Variants in SLF2 observed in about 807,000 individuals in gnomAD.
SLF2 encodes SMC5/6 complex localization factor 2.
A neutral mutation model predicts 124.3 loss-of-function variants in SLF2; 68 were observed. The observed-to-expected ratio is 0.55, with a 90% CI of 0.45 to 0.67. The LOEUF is 0.67. SLF2 is among the 30% of genes least tolerant of loss of function. The pLI is 0.00. For missense variants in SLF2, 1,246 were observed against 1,373.7 expected, an observed-to-expected ratio of 0.91 and a Z score of 1.47; for synonymous variants, 480 against 478.8, an observed-to-expected ratio of 1.00 and a Z score of -0.03.
chr10:100,947,946 C>T, intron 15 of SLF2, 99 bp downstream of exon 15: 1 of 795,832 alleles, frequency 1.3e-6, no homozygotes, highest in South Asian at 1.6e-5. Flanking sequence ...GGGGTCAGAG[C>T]TCAGCTCTTA....
At chr10:100,956,353 T>A in intron 17 of SLF2, 98 bp from the exon 18 acceptor site, 1 of 859,030 alleles carries the variant, frequency 1.2e-6, no homozygotes, top group Non-Finnish European at 1.8e-6. Context: ...ACAGGAATAA[T>A]AGATTTTTAA....
At chr10:100,951,199 C>T (rs372830490) in intron 17 of SLF2, among the ~76,000 whole-genome samples, 1 of 152,100 alleles carries the variant, frequency 6.6e-6, no homozygotes, top group Non-Finnish European at 1.5e-5. Context: ...GCCGAGATTG[C>T]GCCACTGCAC....
chr10:100,936,578 G>T (rs1025314203), intron 9 of SLF2, among the ~76,000 whole-genome samples: 3 of 151,678 alleles, frequency 2.0e-5, no homozygotes, highest in Non-Finnish European at 4.4e-5. Flanking sequence ...CTCGTGATCC[G>T]CCTGCCTCGG....
At position 100,913,190 on chromosome 10, in the gene SLF2, T is replaced by G; in HGVS notation, c.80T>G (p.Leu27Arg). The G allele has an allele frequency of 6.2e-7, 1 of 1,613,018 alleles. No homozygotes were observed. Among genetic ancestry groups the G allele is most frequent in the Non-Finnish European group, 8.5e-7 (1 of 1,179,590 alleles). The change falls in exon 1 of 20, where the codon CTG (leucine) becomes CGG (arginine). Residue 27 changes from leucine to arginine, a missense_variant. By Grantham distance (102) the Leu-to-Arg change is moderately radical. This residue lies in a region of SLF2 where 698 missense variants were observed against 708.9 expected (regional missense o/e 0.98). Coordinates refer to ENST00000238961, the MANE Select transcript of SLF2 (RefSeq NM_018121.4). ...APGSSPPRCH[L>R]RPGSTAHAAA... is the part of the protein sequence containing the mutation. ...GGGTCGTCGCCCCCGCGCTGCCATC[T>G]GAGACCCGGTAGTACCGCCCATGCT...
chr10:100,943,034 T>C (rs1199800466), intron 11 of SLF2, among the ~76,000 whole-genome samples: 1 of 151,780 alleles, frequency 6.6e-6, no homozygotes, highest in Admixed American at 6.6e-5. Context: ...GCATTAGCCA[T>C]TTTAATCTTT....
intron 6 of SLF2, among the ~76,000 whole-genome samples, chr10:100,927,570 C>T (rs1175994128): frequency 6.6e-6 from 1 of 152,140 alleles, no homozygotes; most frequent in Admixed American, 6.5e-5. Context: ...AATATCTCTT[C>T]AAGTCTCTCC....
chr10:100,948,042 C>T (rs1299759556), intron 15 of SLF2, among the ~76,000 whole-genome samples, 195 bp downstream of exon 15: 2 of 152,132 alleles, frequency 1.3e-5, no homozygotes, highest in African/African-American at 4.8e-5. Context: ...AATATTGCAC[C>T]CTCCACCACT....
chr10:100,917,524 C>A (rs984104822), intron 3 of SLF2, among the ~76,000 whole-genome samples: 1 of 152,036 alleles, frequency 6.6e-6, no homozygotes, highest in Admixed American at 6.5e-5. Context: ...AGACTGGGAA[C>A]AAAGATCTTT....
Position 100,924,708 on chromosome 10 carries a change from T to C in SLF2, c.1707T>C (p.Pro569=). The C allele has an allele frequency of 6.2e-7, 1 of 1,614,156 alleles. No individual in the cohort carries two copies. ...ALEVVPCIPS[P]AAPSDKAPSE... The stretch of plus-strand genomic sequence containing the variant: ...AAGTTGTGCCATGTATCCCAAGCCC[T>C]GCAGCACCTTCAGATAAAGCCCCTT... Residue 569 remains proline, a synonymous_variant, in exon 5 of 20, where the codon CCT becomes CCC. Transcript: ENST00000238961.
In SLF2 at chr10:100,950,650, G is replaced by A. The variant is rs377322580; in HGVS notation, c.3253-26G>A. The A allele has an allele frequency of 1.0e-4, 164 of 1,576,842 alleles. No individual in the cohort carries two copies. In the African/African-American group the frequency reaches 2.0e-3, roughly 19 times the overall value. ...CATCTATGCTAGCTAATTCATAGGT[G>A]TTAATTTTATTCATTTCTCTAACAG... On this transcript the variant is annotated intron_variant, in intron 16 of 19. Coordinates refer to ENST00000238961, the MANE Select transcript of SLF2 (RefSeq NM_018121.4).
intron 11 of SLF2, among the ~76,000 whole-genome samples, chr10:100,939,316 T>G (rs920723759): frequency 1.3e-5 from 2 of 151,792 alleles, no homozygotes; most frequent in Admixed American, 6.6e-5. Flanking sequence ...GGCCGGGAAT[T>G]GGAAGTTGCA....
chr10:100,921,525 A>C (rs148958080), intron 4 of SLF2, among the ~76,000 whole-genome samples: 1 of 152,216 alleles, frequency 6.6e-6, no homozygotes, highest in Admixed American at 6.5e-5. Context: ...ACATTTTGCA[A>C]TTAATCACCT....
Position 100,945,394 on chromosome 10 carries a change from T to C in SLF2, c.2822T>C (p.Ile941Thr). The C allele has an allele frequency of 6.2e-7, 1 of 1,604,018 alleles. No homozygotes were observed. Among genetic ancestry groups the C allele is most frequent in the Non-Finnish European group, 8.5e-7 (1 of 1,177,784 alleles). Residue 941 changes from isoleucine to threonine, a missense_variant, in exon 13 of 20, where the codon ATT becomes ACT. Physicochemically the swap from Ile to Thr is moderately conservative, Grantham distance 89 (BLOSUM62 -1). Coordinates refer to ENST00000238961, the MANE Select transcript of SLF2 (RefSeq NM_018121.4). ...CAGGATCGTGAAATAATGTTGCTGATTTTAATGTTATTTAAAATGAGTTTG... is the reference window on the plus strand; with the variant it reads ...CAGGATCGTGAAATAATGTTGCTGACTTTAATGTTATTTAAAATGAGTTTG... ...GYQDREIMLLILMLFKMSLEK... is the reference protein window; with the variant it reads ...GYQDREIMLLTLMLFKMSLEK...
At chr10:100,946,509 T>C (rs1850107180) in intron 13 of SLF2, among the ~76,000 whole-genome samples, 2 of 151,556 alleles carry the variant, frequency 1.3e-5, no homozygotes, top group Admixed American at 6.6e-5. Flanking sequence ...GTGTATTTAG[T>C]AGAGACAGGG....
At chr10:100,948,665 G>A (rs1041180881) in intron 15 of SLF2, among the ~76,000 whole-genome samples, 1 of 152,054 alleles carries the variant, frequency 6.6e-6, no homozygotes, top group East Asian at 1.9e-4. Context: ...GGTGGATCAC[G>A]AAGTCAGGAG....
intron 19 of SLF2, among the ~76,000 whole-genome samples, chr10:100,961,658 G>A (rs1311894234): frequency 1.3e-5 from 2 of 152,152 alleles, no homozygotes; most frequent in African/African-American, 2.4e-5. Context: ...GCAGTGGTGA[G>A]AAAAACATCC....
chr10:100,959,569 T>C (rs1850391840), intron 19 of SLF2, 73 bp downstream of exon 19: 1 of 1,586,750 alleles, frequency 6.3e-7, no homozygotes, highest in Non-Finnish European at 8.6e-7. Flanking sequence ...CTGTTTGAAA[T>C]AAAATAGGGT....
chr10:100,958,721 A>G (rs1850376444), intron 18 of SLF2, among the ~76,000 whole-genome samples: 1 of 152,224 alleles, frequency 6.6e-6, no homozygotes, highest in Admixed American at 6.5e-5. Context: ...CATAGATTGT[A>G]GTTTACTTTA....
intron 11 of SLF2, among the ~76,000 whole-genome samples, chr10:100,943,052 C>T (rs1850011964): frequency 6.6e-6 from 1 of 152,198 alleles, no homozygotes. Flanking sequence ...TTTAACCCCT[C>T]TGGGTGGGAC....
Sources: allele counts gnomAD v4.1 joint callset (sites outside exome capture counted in the v4.1 genomes callset), GRCh38; gene constraint gnomAD v4.1.1; regional missense constraint gnomAD v4.1.1; transcripts MANE v1.5; gene names NCBI Gene and HGNC (gene_info 2026-07-23, HGNC 2026-07-21).